Variants in ERP44 observed in about 807,000 individuals in gnomAD.
ERP44 encodes endoplasmic reticulum resident protein 44.
Under a neutral mutation model 53.4 loss-of-function variants are expected in ERP44, and 25 were observed. That is an observed-to-expected ratio of 0.47 (90% CI 0.34 to 0.65). ERP44 has a LOEUF of 0.65. Among genes scored for constraint, ERP44 ranks in the 30% least tolerant of loss-of-function variants. The pLI, the probability that ERP44 is intolerant of heterozygous loss-of-function variation, is 0.01. For synonymous variants in ERP44, 145 were observed against 161.2 expected, an observed-to-expected ratio of 0.90 and a Z score of 0.76; for missense variants, 338 against 493.2, an observed-to-expected ratio of 0.69 and a Z score of 2.98.
At chr9:100,030,677 G>C (rs1169723379) in intron 4 of ERP44, among the ~76,000 whole-genome samples, 1 of 152,146 alleles carries the variant, frequency 6.6e-6, no homozygotes, top group Non-Finnish European at 1.5e-5. Context: ...TGACAGCTGT[G>C]GGTGACAGGA....
chr9:100,093,203 T>C (rs1223064349), intron 1 of ERP44, among the ~76,000 whole-genome samples: 1 of 152,150 alleles, frequency 6.6e-6, no homozygotes, highest in Non-Finnish European at 1.5e-5. Context: ...AAGTTTTCAA[T>C]AACTGTAAGC....
chr9:100,054,751 T>C (rs1826072451), intron 3 of ERP44, among the ~76,000 whole-genome samples: 1 of 152,172 alleles, frequency 6.6e-6, no homozygotes, highest in Admixed American at 6.5e-5. Flanking sequence ...AGATAAGGGA[T>C]ACTCAACCTG....
At chr9:100,039,227 G>T (rs576639707) in intron 4 of ERP44, among the ~76,000 whole-genome samples, 1 of 152,076 alleles carries the variant, frequency 6.6e-6, no homozygotes, top group African/African-American at 2.4e-5. Context: ...AATGGCTGCC[G>T]AATACACATT....
At chr9:100,000,598 C>T (rs1830365985) in intron 10 of ERP44, among the ~76,000 whole-genome samples, 1 of 152,064 alleles carries the variant, frequency 6.6e-6, no homozygotes, top group African/African-American at 2.4e-5. Context: ...TTTTCTGTTT[C>T]ATGATTCCAC....
At chr9:100,083,067 T>C (rs548849148) in intron 1 of ERP44, among the ~76,000 whole-genome samples, 3 of 147,662 alleles carry the variant, frequency 2.0e-5, no homozygotes, top group East Asian at 3.9e-4. Context: ...ATAGAAAGAA[T>C]GAATAAACAA....
intron 1 of ERP44, among the ~76,000 whole-genome samples, chr9:100,064,552 T>C (rs1019382510): frequency 6.6e-6 from 1 of 152,220 alleles, no homozygotes; most frequent in Non-Finnish European, 1.5e-5. Flanking sequence ...ACAAAGGATC[T>C]TCCCACCTAT....
intron 4 of ERP44, among the ~76,000 whole-genome samples, chr9:100,025,349 TACTC>T (rs774281411): frequency 6.6e-6 from 1 of 152,304 alleles, no homozygotes; most frequent in Non-Finnish European, 1.5e-5. Flanking sequence ...TTGTTAATCT[TACTC>T]AAGAATATAG....
intron 1 of ERP44, among the ~76,000 whole-genome samples, chr9:100,088,934 A>T (rs1224256957): frequency 3.3e-5 from 5 of 152,248 alleles, no homozygotes; most frequent in African/African-American, 1.2e-4. Context: ...AACAAACTGG[A>T]TGATTTCTGA....
At chr9:100,086,188 C>G (rs778734600) in intron 1 of ERP44, among the ~76,000 whole-genome samples, 6 of 152,186 alleles carry the variant, frequency 3.9e-5, no homozygotes, top group Non-Finnish European at 8.8e-5. Flanking sequence ...TGTTTCCTCA[C>G]TTTCATTTAT....
chr9:99,983,337 A>G (rs1830166366), intron 11 of ERP44, among the ~76,000 whole-genome samples: 1 of 151,954 alleles, frequency 6.6e-6, no homozygotes. Flanking sequence ...TGAGGTCAGG[A>G]GATCGAGACC....
Position 100,084,739 on chromosome 9 carries a change from GAC to G in ERP44, c.57+14043_57+14044del, listed in dbSNP as rs530235515. On this transcript the variant is annotated intron_variant, in intron 1 of 11. Coordinates refer to ENST00000262455, the MANE Select transcript of ERP44 (RefSeq NM_015051.3). The stretch of plus-strand genomic sequence containing the variant: ...TTCAAAGTAATATTCAAAAATAAGT[GAC>G]AGACTCTCCGAAAATCGTATCATAC... Among the ~76,000 whole-genome samples the G allele has an allele frequency of 1.1e-4, 16 of 152,238 alleles. No individual in the cohort carries two copies. The East Asian group carries it at 3.1e-3, about 29-fold the overall frequency.
intron 4 of ERP44, among the ~76,000 whole-genome samples, chr9:100,027,420 A>G (rs1029712614): frequency 2.0e-5 from 3 of 152,356 alleles, no homozygotes; most frequent in East Asian, 1.9e-4. Flanking sequence ...TACATTGATC[A>G]GTAATCTCAG....
Position 100,092,045 on chromosome 9 carries a change from C to T in ERP44, c.57+6739G>A, listed in dbSNP as rs555834034. On this transcript the variant is annotated intron_variant, in intron 1 of 11. Transcript: ENST00000262455. ...TGCATCTCAATGATCTTTTTCTCCT[C>T]CATAGTAGATTGCAAATAGACTTTC... is the stretch of plus-strand genomic sequence containing the variant. 3.4e-4 allele frequency among the ~76,000 whole-genome samples: 52 copies of T among 152,268 alleles called. No individual in the cohort carries two copies. The South Asian group carries it at 0.01, about 30-fold the overall frequency.
At chr9:100,018,230 T>G (rs1194826535) in intron 7 of ERP44, 26 bp downstream of exon 7, 3 of 1,392,190 alleles carry the variant, frequency 2.2e-6, no homozygotes, top group Non-Finnish European at 3.1e-6. Flanking sequence ...TATCTTATCA[T>G]ACAACATTAA....
intron 1 of ERP44, among the ~76,000 whole-genome samples, chr9:100,078,063 C>T (rs143619759): frequency 3.3e-5 from 5 of 152,348 alleles, no homozygotes; most frequent in African/African-American, 9.6e-5. Flanking sequence ...ATACCAGTTA[C>T]GACCATGTGG....
intron 1 of ERP44, among the ~76,000 whole-genome samples, chr9:100,065,152 C>T (rs1826194854): frequency 6.6e-6 from 1 of 152,144 alleles, no homozygotes; most frequent in African/African-American, 2.4e-5. Flanking sequence ...ATGTTAAGTG[C>T]CCTATACATG....
intron 8 of ERP44, among the ~76,000 whole-genome samples, chr9:100,010,144 T>C (rs1255650320): frequency 6.6e-6 from 1 of 152,216 alleles, no homozygotes; most frequent in East Asian, 1.9e-4. Flanking sequence ...TATCAATAAA[T>C]AAACAAATGT....
chr9:100,046,642 T>C (rs1262883842), intron 4 of ERP44, among the ~76,000 whole-genome samples: 2 of 152,176 alleles, frequency 1.3e-5, no homozygotes, highest in South Asian at 2.1e-4. Flanking sequence ...TGGAGAGATA[T>C]ACAATCTTCA....
At chr9:100,076,629 T>C (rs1315755042) in intron 1 of ERP44, among the ~76,000 whole-genome samples, 1 of 152,224 alleles carries the variant, frequency 6.6e-6, no homozygotes, top group Non-Finnish European at 1.5e-5. Context: ...TATATACTGA[T>C]TCATGGGCTG....
Sources: gnomAD v4.1 joint callset for allele counts (sites outside exome capture counted in the v4.1 genomes callset) on GRCh38, gnomAD v4.1.1 for gene constraint, MANE v1.5 for transcripts, NCBI Gene and HGNC (gene_info 2026-07-23, HGNC 2026-07-21) for gene names.